The following RAPGEF3 variants were observed in gnomAD, a reference collection of about 807,000 sequenced individuals.
RAPGEF3 encodes the protein Rap guanine nucleotide exchange factor 3.
In RAPGEF3, 103 loss-of-function variants were observed where a neutral mutation model predicts 129.8. The observed-to-expected ratio is 0.79, with a 90% CI of 0.68 to 0.93. The LOEUF (loss-of-function observed/expected upper bound fraction) is 0.93. RAPGEF3 is among the 40% of genes least tolerant of loss of function. The pLI is 0.00. For missense variants in RAPGEF3, 1,117 were observed against 1,207.4 expected, an observed-to-expected ratio of 0.93 and a Z score of 1.11; for synonymous variants, 436 against 482.6, an observed-to-expected ratio of 0.90 and a Z score of 1.26.
chr12:47,738,960 G>A (rs908138845), intron 24 of RAPGEF3, 183 bp downstream of exon 24: 11 of 692,668 alleles, frequency 1.6e-5, no homozygotes, highest in Admixed American at 1.4e-4. Flanking sequence ...CATTCTTCCA[G>A]TCTAAGAACT....
At chr12:47,756,460 G>C (rs536663520) in intron 2 of RAPGEF3, 1 of 152,238 alleles carries the variant, frequency 6.6e-6, no homozygotes, top group African/African-American at 2.4e-5. Context: ...TAGCGGAGGA[G>C]GACCCAGGCT....
intron 16 of RAPGEF3, chr12:47,746,627 G>T (rs1345911090): frequency 2.8e-6 from 2 of 710,240 alleles, no homozygotes; most frequent in Non-Finnish European, 5.2e-6. Flanking sequence ...AAGGCCCATT[G>T]AGTCAGGGAG....
chr12:47,746,252 G>T (rs1449847450), intron 16 of RAPGEF3: 3 of 231,172 alleles, frequency 1.3e-5, no homozygotes. Context: ...GCAGGCAGGG[G>T]CTGGGACACA....
chr12:47,757,836 C>T lies in RAPGEF3; in HGVS notation c.219+30G>A, dbSNP rs1942176759. 7 of 1,538,820 alleles carry T rather than the reference C, an allele frequency of 4.5e-6. No homozygotes were observed. The East Asian group carries it at 1.7e-4, about 38-fold the overall frequency. ...CCCCCCTCTAGCTCTGGTACTGGCC[C>T]TGGCACCTGGGCAGGTGAAAGGTAC... is the stretch of plus-strand genomic sequence containing the variant. On this transcript the variant is annotated intron_variant, in intron 2 of 27. Transcript: ENST00000449771.
chr12:47,741,127 AT>A, intron 19 of RAPGEF3, 87 bp from the exon 20 acceptor site: 6 of 1,461,590 alleles, frequency 4.1e-6, no homozygotes, highest in Non-Finnish European at 5.6e-6. Flanking sequence ...CAAGGACTCT[AT>A]GCTCGTGTTA....
rs1482276026 is a variant in RAPGEF3, at chr12:47,740,627, T to C, written c.2231+15A>G. 1.9e-6 allele frequency: 3 copies of C among 1,612,856 alleles called. No homozygotes were observed. The highest frequency in any genetic ancestry group is 1.7e-6 in the Non-Finnish European group (2 of 1,179,538). On this transcript the variant is annotated intron_variant, in intron 21 of 27. Coordinates refer to ENST00000449771, the MANE Select transcript of RAPGEF3 (RefSeq NM_001098531.4). ...GGGACTCTGGCCACGCCCTACCCAC[T>C]GGACAGGGACTCACTGGGCCGCCAG... is the stretch of plus-strand genomic sequence containing the variant.
intron 19 of RAPGEF3, 35 bp downstream of exon 19, chr12:47,741,470 C>T (rs1215883290): frequency 6.3e-7 from 1 of 1,576,308 alleles, no homozygotes; most frequent in African/African-American, 1.3e-5. Flanking sequence ...AAATAGATCT[C>T]CTCCCTGGGC....
intron 6 of RAPGEF3, 150 bp from the exon 7 acceptor site, chr12:47,750,575 ATGTGGCAGCGCTTGTGAT>A: frequency 4.4e-6 from 3 of 675,834 alleles, no homozygotes; most frequent in Non-Finnish European, 5.2e-6. Context: ...GAGTGCGCAC[ATGTGGCAGCGCTTGTGAT>A]GAGCATTTTG....
Position 47,749,117 on chromosome 12 carries a change from C to T in RAPGEF3, c.1042-186G>A, listed in dbSNP as rs1001788637. 3 of 648,638 alleles carry T rather than the reference C, an allele frequency of 4.6e-6. No homozygotes were observed. Among genetic ancestry groups the T allele is most frequent in the South Asian group, 1.9e-5 (1 of 53,560 alleles). The allele number at this position is 648,638 out of a possible 1,614,324, so 40.2% of individuals were successfully genotyped here. A position where few individuals can be genotyped will look rare whatever the true frequency, so the allele number is the denominator to read the frequency against. ...TACCTTCCATGCATCCTGCCTCCCC[C>T]ACAGCCTAGTCCCCCGCCCCCTGCA... On this transcript the variant is annotated intron_variant, in intron 10 of 27. Transcript: ENST00000449771. This position sits in a 1 kb window ranked among gnomAD's most constrained non-coding sequence, Gnocchi z 4.5.
rs1186584937 is a variant in RAPGEF3 at position 47,748,504 on chromosome 12, T to C, written c.1193A>G (p.Glu398Gly). 3.7e-6 allele frequency: 6 copies of C among 1,613,814 alleles called. No individual in the cohort carries two copies. The highest frequency in any genetic ancestry group is 5.1e-6 in the Non-Finnish European group (6 of 1,179,954). The change falls in exon 12 of 28, where the codon GAG becomes GGG. Residue 398 changes from glutamate (E) to glycine (G), a missense_variant. Coordinates refer to ENST00000449771, the MANE Select transcript of RAPGEF3 (RefSeq NM_001098531.4). ...TGGTCCCATGGCCTCCAACAGAAGC[T>C]CTAGGATCTTCTCTGGGGTGCCAGA... ...VMSGTPEKIL[E>G]LLLEAMGPDS...
At position 47,741,030 on chromosome 12, in the gene RAPGEF3, G is replaced by A. The variant is rs2136745746; in HGVS notation, c.1934C>T (p.Pro645Leu). ...GCCCACAGTGGGCCCCAGCTGGTCA[G>A]GGTGTGGGATCTGCGGGTGGGAGAG... ...PQEVHELIPH[P>L]DQLGPTVGSA... The change falls in exon 20 of 28, where the codon CCT becomes CTT. Residue 645 changes from proline to leucine, a missense_variant. Around this residue, in one of 3 missense-constraint regions of RAPGEF3, gnomAD observed 643 missense variants for 673.4 expected, o/e 0.95. Coordinates refer to ENST00000449771, the MANE Select transcript of RAPGEF3 (RefSeq NM_001098531.4). 5.0e-6 allele frequency: 8 copies of A among 1,612,676 alleles called. No individual in the cohort carries two copies. Among genetic ancestry groups the A allele is most frequent in the South Asian group, 3.3e-5 (3 of 90,788 alleles).
chr12:47,752,138 C>T (rs1186121155), intron 2 of RAPGEF3, among the ~76,000 whole-genome samples, 169 bp from the exon 3 acceptor site: 1 of 152,172 alleles, frequency 6.6e-6, no homozygotes, highest in East Asian at 1.9e-4. Flanking sequence ...ACCCTGTGCC[C>T]CGGGCATCGC....
Position 47,746,905 on chromosome 12 carries a change from G to A in RAPGEF3, c.1557-6C>T. 1 of 1,604,326 alleles carries A rather than the reference G, an allele frequency of 6.2e-7. No individual in the cohort carries two copies. The highest frequency in any genetic ancestry group is 8.5e-7 in the Non-Finnish European group (1 of 1,176,898). ...TCCCACAGCCATTCTCCAACCTGCA[G>A]ACAAGAGAGAAGGGAGGTGAGTGAG... On this transcript the variant is annotated splice_polypyrimidine_tract_variant and splice_region_variant and intron_variant, in intron 15 of 27. Coordinates refer to ENST00000449771, the MANE Select transcript of RAPGEF3 (RefSeq NM_001098531.4).
chr12:47,741,062 G>C (rs1368637720), intron 19 of RAPGEF3, 22 bp from the exon 20 acceptor site: 2 of 1,609,892 alleles, frequency 1.2e-6, no homozygotes, highest in Non-Finnish European at 1.7e-6. Context: ...AGAGTGCTCA[G>C]GGGGCTGCCT....
chr12:47,747,986 C>G lies in RAPGEF3; in HGVS notation c.1322+88G>C, dbSNP rs1941521367. On this transcript the variant is annotated intron_variant, in intron 13 of 27. Coordinates refer to ENST00000449771, the MANE Select transcript of RAPGEF3 (RefSeq NM_001098531.4). ...GCAGCAGGCTGGCATTTAAAGGGCT[C>G]AGCACAGCCACGCTGGTGAGATTTT... The G allele has an allele frequency of 2.6e-6, 4 of 1,564,614 alleles. No homozygotes were observed. In the East Asian group the frequency reaches 9.2e-5, roughly 36 times the overall value.
chr12:47,754,804 T>C (rs1042139824), intron 2 of RAPGEF3, among the ~76,000 whole-genome samples: 6 of 152,190 alleles, frequency 3.9e-5, no homozygotes, highest in Admixed American at 2.0e-4. Context: ...GCAGCTGATA[T>C]GAGTCAAGGT....
rs1054351475 is a variant in RAPGEF3, at chr12:47,737,285, C to T, written c.*282G>A. 18 of 445,176 alleles carry T rather than the reference C, an allele frequency of 4.0e-5. No individual in the cohort carries two copies. Among genetic ancestry groups the T allele is most frequent in the South Asian group, 1.4e-4 (6 of 41,924 alleles). The allele number at this position is 445,176 out of a possible 1,614,324, so 27.6% of individuals were successfully genotyped here. A position where few individuals can be genotyped will look rare whatever the true frequency, so the allele number is the denominator to read the frequency against. ...GTGGAGACCTCTCTATTGCACACAA[C>T]GTCCCAGCGCACTCCACTCTCCACC... On this transcript the variant is annotated 3_prime_UTR_variant, in exon 28 of 28. Coordinates refer to ENST00000449771, the MANE Select transcript of RAPGEF3 (RefSeq NM_001098531.4).
intron 2 of RAPGEF3, among the ~76,000 whole-genome samples, chr12:47,756,765 T>TC (rs1327388877): frequency 6.6e-6 from 1 of 151,962 alleles, no homozygotes; most frequent in Non-Finnish European, 1.5e-5. Context: ...GGTCAAGCGA[T>TC]CAAGACCATC....
chr12:47,757,990 G>T lies in RAPGEF3; in HGVS notation c.95C>A (p.Pro32His), dbSNP rs1254611836. The change falls in exon 2 of 28, where the codon CCT becomes CAT. Residue 32 changes from proline (P) to histidine (H), a missense_variant. By Grantham distance (77) the Pro-to-His change is moderately conservative. Transcript: ENST00000449771. ...TAGTGTCCCCTCCGGCACCACGTCAGGGAGGGCTCCCACCCGCGGTGCTCC... is the reference window on the plus strand; with the variant it reads ...TAGTGTCCCCTCCGGCACCACGTCATGGAGGGCTCCCACCCGCGGTGCTCC... ...ALGAPRVGAL[P>H]DVVPEGTLLN... The T allele has an allele frequency of 6.4e-7, 1 of 1,572,108 alleles. No individual in the cohort carries two copies.
Sources: allele counts gnomAD v4.1 joint callset (sites outside exome capture counted in the v4.1 genomes callset), GRCh38; gene constraint gnomAD v4.1.1; regional missense constraint gnomAD v4.1.1; non-coding constraint Gnocchi (gnomAD v3.1); transcripts MANE v1.5; gene names NCBI Gene and HGNC (gene_info 2026-07-23, HGNC 2026-07-21).